SLC31A1: variants seen among roughly 807,000 people sequenced by gnomAD.
The protein encoded by SLC31A1 is solute carrier family 31 member 1, also known as high affinity copper uptake protein 1.
Under a neutral mutation model 17.2 loss-of-function variants are expected in SLC31A1, and 5 were observed. That is an observed-to-expected ratio of 0.29 (90% CI 0.15 to 0.61). The LOEUF is 0.61. SLC31A1 is among the 20% of genes least tolerant of loss of function. SLC31A1 has a pLI of 0.86. For synonymous variants in SLC31A1, 76 were observed against 78.8 expected (o/e 0.96, Z 0.19); for missense variants, 161 against 241.4 (o/e 0.67, Z 2.21).
rs981062307 is a variant in SLC31A1, at chr9:113,262,154, C to T, written c.*1681C>T. The T allele has an allele frequency of 2.0e-5, 3 of 152,618 alleles. No individual in the cohort carries two copies. The highest frequency in any genetic ancestry group is 6.5e-5 in the Admixed American group (1 of 15,284). The allele number at this position is 152,618 out of a possible 1,614,324, so 9.5% of individuals were successfully genotyped here. On this transcript the variant is annotated 3_prime_UTR_variant, in exon 5 of 5. Transcript: ENST00000374212. ...AAGCCCAGCTTTCTCTTTGGAAAGA[C>T]TCAGGCTGTGGTTTGTTGATGGCCA... is the stretch of plus-strand genomic sequence containing the variant.
At chr9:113,239,905 A>G (rs570110871) in intron 1 of SLC31A1, among the ~76,000 whole-genome samples, 1 of 152,050 alleles carries the variant, frequency 6.6e-6, no homozygotes, top group South Asian at 2.1e-4. Context: ...AGTATCCTTT[A>G]TGCTTCCCTC....
rs1459427901 is a variant in SLC31A1, at chr9:113,260,864, C to T, written c.*391C>T. 1 of 315,892 alleles carries T rather than the reference C, an allele frequency of 3.2e-6. No homozygotes were observed. The highest frequency in any genetic ancestry group is 4.4e-5 in the Admixed American group (1 of 22,492). The allele number at this position is 315,892 out of a possible 1,614,324, so 19.6% of individuals were successfully genotyped here. The stretch of plus-strand genomic sequence containing the variant: ...TAGTAAGTAAATTTGGTGGTTTTTT[C>T]CCCTGGGTCAGTGATGGAAAGGGGT... On this transcript the variant is annotated 3_prime_UTR_variant, in exon 5 of 5. Transcript: ENST00000374212.
intron 1 of SLC31A1, among the ~76,000 whole-genome samples, chr9:113,245,319 C>T (rs555201914): frequency 7.2e-5 from 11 of 152,178 alleles, no homozygotes; most frequent in Admixed American, 2.0e-4. Flanking sequence ...AACTCCTGAC[C>T]TCAAGTGATC....
chr9:113,238,762 T>C (rs1831491015), intron 1 of SLC31A1, among the ~76,000 whole-genome samples: 1 of 152,168 alleles, frequency 6.6e-6, no homozygotes, highest in Non-Finnish European at 1.5e-5. Context: ...CTCAGAATCC[T>C]TTTTAAATTA....
In SLC31A1 at chr9:113,261,516, T is replaced by TA. The variant is rs1243252978; in HGVS notation, c.*1044dup. 1 of 152,604 alleles carries TA rather than the reference T, an allele frequency of 6.6e-6. No homozygotes were observed. Among genetic ancestry groups the TA allele is most frequent in the Non-Finnish European group, 1.5e-5 (1 of 68,024 alleles). The allele number at this position is 152,604 out of a possible 1,614,324, so 9.5% of individuals were successfully genotyped here. On this transcript the variant is annotated 3_prime_UTR_variant, in exon 5 of 5. Transcript: ENST00000374212. ...GACAATCAATTTGAGAAAATAGAAATAGATATTTTTAAATAAAACCATTCA... is the reference window on the plus strand; with the variant it reads ...GACAATCAATTTGAGAAAATAGAAATAAGATATTTTTAAATAAAACCATTCA...
chr9:113,257,733 C>T (rs1831744570), intron 3 of SLC31A1, among the ~76,000 whole-genome samples: 1 of 152,092 alleles, frequency 6.6e-6, no homozygotes, highest in Non-Finnish European at 1.5e-5. Flanking sequence ...AGTGATCCAC[C>T]CACCTCAGCC....
At chr9:113,237,567 A>G (rs141754822) in intron 1 of SLC31A1, among the ~76,000 whole-genome samples, 6 of 152,332 alleles carry the variant, frequency 3.9e-5, no homozygotes, top group African/African-American at 9.6e-5. Context: ...TAGAAGGACC[A>G]TGCTACGAAT....
Position 113,258,688 on chromosome 9 carries a change from A to G in SLC31A1, c.203-6A>G, listed in dbSNP as rs905869487. 5.0e-6 allele frequency: 8 copies of G among 1,613,932 alleles called. No homozygotes were observed. In the African/African-American group the frequency reaches 9.3e-5, roughly 19 times the overall value. ...CAGTACCTCCATATTTTCCTTCCAT[A>G]CTTAGAAATGGCTGGAGCTTTTGTG... On this transcript the variant is annotated splice_region_variant and splice_polypyrimidine_tract_variant and intron_variant, in intron 3 of 4. Coordinates refer to ENST00000374212, the MANE Select transcript of SLC31A1 (RefSeq NM_001859.4). This position sits in a 1 kb window ranked among gnomAD's most constrained non-coding sequence, Gnocchi z 4.8.
intron 1 of SLC31A1, chr9:113,223,230 C>T (rs1649572680): frequency 2.2e-6 from 1 of 453,582 alleles, no homozygotes; most frequent in Non-Finnish European, 4.4e-6. Context: ...CAGATTATCA[C>T]TGTAGAAACA....
chr9:113,256,979 A>T, intron 2 of SLC31A1, 134 bp from the exon 3 acceptor site: 1 of 771,306 alleles, frequency 1.3e-6, no homozygotes, highest in Non-Finnish European at 2.3e-6. Context: ...ACATGAGGGC[A>T]AAAGCCTCCC....
chr9:113,252,473 TTCAGTAGAGACG>T (rs1831665954), intron 1 of SLC31A1, among the ~76,000 whole-genome samples: 1 of 152,136 alleles, frequency 6.6e-6, no homozygotes, highest in African/African-American at 2.4e-5. Context: ...TTTTTGTATT[TTCAGTAGAGACG>T]GGGTTTTTAG....
rs1831795907 is a variant in SLC31A1 at position 113,261,765 on chromosome 9, C to G, written c.*1292C>G. 2.0e-5 allele frequency: 3 copies of G among 152,612 alleles called. No individual in the cohort carries two copies. The highest frequency in any genetic ancestry group is 1.3e-4 in the Admixed American group (2 of 15,274). The allele number at this position is 152,612 out of a possible 1,614,324, so 9.5% of individuals were successfully genotyped here. ...CACTTCTGAGTTCCTGCTGATGTTA[C>G]AAGGGACCACACTTTTGAGAATCTG... On this transcript the variant is annotated 3_prime_UTR_variant, in exon 5 of 5. Transcript: ENST00000374212.
chr9:113,260,155 GT>G, intron 4 of SLC31A1, 116 bp from the exon 5 acceptor site: 1 of 835,130 alleles, frequency 1.2e-6, no homozygotes, highest in Admixed American at 1.7e-5. Context: ...GTACCCATGA[GT>G]TGCCAGAGTG....
chr9:113,251,371 A>C (rs1831650134), intron 1 of SLC31A1, among the ~76,000 whole-genome samples: 1 of 152,156 alleles, frequency 6.6e-6, no homozygotes, highest in Non-Finnish European at 1.5e-5. Flanking sequence ...GCAGTGAGCC[A>C]AGATGGCACC....
At position 113,235,659 on chromosome 9, in the gene SLC31A1, A is replaced by G. The variant is rs567899292; in HGVS notation, c.-36+13981A>G. On this transcript the variant is annotated intron_variant, in intron 1 of 4. Transcript: ENST00000374212. Reference sequence around the variant, plus strand: ...ATCCCCCCGGAGAGGAGGAGGAAGCATGACTGGGAGAGGCAGGAGGGGAGC... The same window carrying G: ...ATCCCCCCGGAGAGGAGGAGGAAGCGTGACTGGGAGAGGCAGGAGGGGAGC... Among the ~76,000 whole-genome samples, 132 of 152,326 alleles carry G rather than the reference A, an allele frequency of 8.7e-4. 1 individual carries two copies. Among genetic ancestry groups the G allele is most frequent in the African/African-American group, 3.1e-3 (128 of 41,568 alleles).
chr9:113,223,363 A>AT, intron 1 of SLC31A1: 1 of 369,598 alleles, frequency 2.7e-6, no homozygotes, highest in South Asian at 2.1e-5. Context: ...GTCTTCCTAA[A>AT]TTCGTGTATC....
chr9:113,227,674 G>A (rs1008220327), intron 1 of SLC31A1: 1 of 152,116 alleles, frequency 6.6e-6, no homozygotes, highest in African/African-American at 2.4e-5. Context: ...ATGTTTTCTA[G>A]TTTCTGTCTT....
intron 1 of SLC31A1, among the ~76,000 whole-genome samples, chr9:113,232,870 G>A (rs1036293964): frequency 1.3e-5 from 2 of 151,960 alleles, no homozygotes; most frequent in African/African-American, 4.8e-5. Context: ...GCAGACATAA[G>A]GAAGAAGTGT....
intron 1 of SLC31A1, among the ~76,000 whole-genome samples, chr9:113,237,936 G>C (rs922170766): frequency 2.6e-5 from 4 of 152,206 alleles, no homozygotes; most frequent in Admixed American, 1.3e-4. Context: ...AGTGAATTCT[G>C]TAAACAAGAT....
Sources: allele counts gnomAD v4.1 joint callset (sites outside exome capture counted in the v4.1 genomes callset), GRCh38; gene constraint gnomAD v4.1.1; non-coding constraint Gnocchi (gnomAD v3.1); transcripts MANE v1.5; gene names NCBI Gene and HGNC (gene_info 2026-07-23, HGNC 2026-07-21).